Variants in CTNND1 observed in about 807,000 individuals in gnomAD.
The protein encoded by CTNND1 is catenin delta-1.
In CTNND1, 16 loss-of-function variants were observed where a neutral mutation model predicts 112.1. The ratio of observed to expected loss-of-function variants is 0.14; its 90% CI spans 0.10 to 0.22. CTNND1 has a LOEUF of 0.22. Ranked by LOEUF, CTNND1 falls within the 10% of genes least tolerant of loss-of-function variation. The probability of loss-of-function intolerance (pLI) is 1.00; values close to 1 mark genes in which losing one functional copy is unlikely to be tolerated. For synonymous variants in CTNND1, 420 were observed against 446.5 expected, an observed-to-expected ratio of 0.94 and a Z score of 0.75; for missense variants, 1,008 against 1,257.0, an observed-to-expected ratio of 0.80 and a Z score of 3.00.
intron 3 of CTNND1, among the ~76,000 whole-genome samples, chr11:57,792,810 A>C (rs754950148): frequency 6.7e-6 from 1 of 148,808 alleles, no homozygotes; most frequent in Non-Finnish European, 1.5e-5. Flanking sequence ...ATTACGCGTG[A>C]GCTACTGCAC....
chr11:57,803,962 A>G (rs1287364711), intron 8 of CTNND1, 158 bp downstream of exon 8: 3 of 559,448 alleles, frequency 5.4e-6, no homozygotes, highest in Admixed American at 3.5e-5. Context: ...CTTTGTTGCT[A>G]TTCTCTCATG....
chr11:57,791,427 T>C lies in CTNND1; in HGVS notation c.-52T>C. On this transcript the variant is annotated 5_prime_UTR_variant, in exon 3 of 21. Coordinates refer to ENST00000399050, the MANE Select transcript of CTNND1 (RefSeq NM_001085458.2). ...TCTCTCCCTCCTTCTCCTTCCTCTG[T>C]GATTCACCTTCCTTTTTACCCTGCC... 2 of 1,394,960 alleles carry C rather than the reference T, an allele frequency of 1.4e-6. No homozygotes were observed. The highest frequency in any genetic ancestry group is 1.9e-6 in the Non-Finnish European group (2 of 1,067,686). 86.4% of individuals were successfully genotyped at this position (1,394,960 alleles called of 1,614,324 possible).
intron 1 of CTNND1, among the ~76,000 whole-genome samples, chr11:57,785,428 G>A (rs1362116975): frequency 6.6e-6 from 1 of 152,124 alleles, no homozygotes; most frequent in African/African-American, 2.4e-5. Flanking sequence ...TTAAACCCAG[G>A]CAGATAACAA....
chr11:57,771,025 T>C (rs1952440240), intron 1 of CTNND1, among the ~76,000 whole-genome samples: 1 of 152,140 alleles, frequency 6.6e-6, no homozygotes. Context: ...CTTGGATGTC[T>C]ACCGTGCTGA....
intron 1 of CTNND1, among the ~76,000 whole-genome samples, chr11:57,783,559 T>C (rs111350163): frequency 2.6e-5 from 4 of 151,274 alleles, no homozygotes; most frequent in Non-Finnish European, 4.4e-5. Context: ...CTGGGGAGGC[T>C]GAGGCAGGAG....
At chr11:57,796,125 G>A (rs891754830) in intron 5 of CTNND1, among the ~76,000 whole-genome samples, 1 of 152,106 alleles carries the variant, frequency 6.6e-6, no homozygotes, top group African/African-American at 2.4e-5. Flanking sequence ...GGTGGGTCAC[G>A]CTTGTAATCC....
intron 1 of CTNND1, among the ~76,000 whole-genome samples, chr11:57,778,655 G>A (rs1007676666): frequency 3.3e-5 from 5 of 152,380 alleles, no homozygotes; most frequent in African/African-American, 4.8e-5. Flanking sequence ...GCTCTGGCCC[G>A]TGATTGGTAG....
intron 5 of CTNND1, 28 bp from the exon 6 acceptor site, chr11:57,796,429 T>A: frequency 6.5e-7 from 1 of 1,547,940 alleles, no homozygotes; most frequent in Non-Finnish European, 8.7e-7. Context: ...CTTAATTAGT[T>A]TTTCTTTTTC....
Position 57,802,051 on chromosome 11 carries a change from C to T in CTNND1, c.1275C>T (p.His425=), listed in dbSNP as rs759069892. 2.2e-5 allele frequency: 35 copies of T among 1,613,894 alleles called. No individual in the cohort carries two copies. Among genetic ancestry groups the T allele is most frequent in the Middle Eastern group, 1.6e-4 (1 of 6,084 alleles). ...GLLDHPKKEV[H]LGACGALKNI... ...TAGACCATCCCAAAAAGGAAGTGCA[C>T]CTTGGAGCCTGTGGAGCTCTCAAGA... Residue 425 remains histidine, a synonymous_variant, in exon 7 of 21, where the codon CAC becomes CAT. Transcript: ENST00000399050.
intron 1 of CTNND1, among the ~76,000 whole-genome samples, chr11:57,781,001 C>T (rs1198365215): frequency 1.3e-5 from 2 of 152,102 alleles, no homozygotes; most frequent in East Asian, 1.9e-4. Context: ...TGCAATGGCG[C>T]AATCTCTGCT....
At chr11:57,815,599 A>G (rs2063872484) in intron 19 of CTNND1, 99 bp downstream of exon 19, 1 of 1,061,344 alleles carries the variant, frequency 9.4e-7, no homozygotes, top group Non-Finnish European at 1.5e-6. Context: ...GAAAGATCGC[A>G]TCCTTTTCTG....
chr11:57,796,634 G>A lies in CTNND1; in HGVS notation c.598G>A (p.Ala200Thr). 6.2e-7 allele frequency: 1 copy of A among 1,614,026 alleles called. No homozygotes were observed. Among genetic ancestry groups the A allele is most frequent in the Non-Finnish European group, 8.5e-7 (1 of 1,179,886 alleles). ...TCCCTATGTGGGGCAAGCTGGCACT[G>A]CTACCCTTCCTAGGAACTTCCACTA... ...PGPYVGQAGTATLPRNFHYPP... is the reference protein window; with the variant it reads ...PGPYVGQAGTTTLPRNFHYPP... Residue 200 changes from alanine (A) to threonine (T), a missense_variant, in exon 6 of 21, where the codon GCT becomes ACT. Transcript: ENST00000399050.
intron 1 of CTNND1, among the ~76,000 whole-genome samples, chr11:57,784,051 C>A (rs573641668): frequency 6.6e-6 from 1 of 151,974 alleles, no homozygotes; most frequent in South Asian, 2.1e-4. Flanking sequence ...TCCTGAGTAG[C>A]TGGGACTACA....
intron 20 of CTNND1, 61 bp downstream of exon 20, chr11:57,816,062 AC>A: frequency 1.4e-6 from 2 of 1,395,588 alleles, no homozygotes; most frequent in Non-Finnish European, 2.0e-6. Context: ...AGTGCCAGCA[AC>A]TTGTCAATCA....
At chr11:57,789,410 T>G (rs907849501) in intron 2 of CTNND1, among the ~76,000 whole-genome samples, 10 of 152,196 alleles carry the variant, frequency 6.6e-5, no homozygotes, top group Non-Finnish European at 1.2e-4. Context: ...AGAGTATCAC[T>G]AATGCCTGTA....
At chr11:57,777,017 A>G (rs1954432168) in intron 1 of CTNND1, among the ~76,000 whole-genome samples, 1 of 152,196 alleles carries the variant, frequency 6.6e-6, no homozygotes, top group African/African-American at 2.4e-5. Context: ...TGGGCTATGC[A>G]TAAGGAAGAA....
At chr11:57,810,905 C>T (rs11570214) in intron 16 of CTNND1, among the ~76,000 whole-genome samples, 10,568 of 151,268 alleles carry the variant, frequency 0.07, 726 homozygotes, top group African/African-American at 0.18. Context: ...TGCAGTGAGC[C>T]GACATCACAC....
At chr11:57,774,385 C>G (rs1172537172) in intron 1 of CTNND1, among the ~76,000 whole-genome samples, 1 of 152,156 alleles carries the variant, frequency 6.6e-6, no homozygotes, top group African/African-American at 2.4e-5. Flanking sequence ...AGAGGGATAT[C>G]CTACAATGTA....
chr11:57,782,481 T>G (rs2059680441), intron 1 of CTNND1, among the ~76,000 whole-genome samples: 1 of 152,258 alleles, frequency 6.6e-6, no homozygotes, highest in African/African-American at 2.4e-5. Context: ...AGTGCAGACG[T>G]GGTAGAAGAT....
Sources: gnomAD v4.1 joint callset for allele counts (sites outside exome capture counted in the v4.1 genomes callset) on GRCh38, gnomAD v4.1.1 for gene constraint, MANE v1.5 for transcripts, NCBI Gene and HGNC (gene_info 2026-07-23, HGNC 2026-07-21) for gene names.